The following PPP5C variants were observed in gnomAD, a reference collection of about 807,000 sequenced individuals.
The protein encoded by PPP5C is serine/threonine-protein phosphatase 5.
In PPP5C, 21 loss-of-function variants were observed where a neutral mutation model predicts 66.7. The ratio of observed to expected loss-of-function variants is 0.31; its 90% CI spans 0.22 to 0.45. PPP5C has a LOEUF of 0.45. PPP5C is among the 20% of genes least tolerant of loss of function. PPP5C has a pLI of 1.00. For synonymous variants in PPP5C, 246 were observed against 257.4 expected, an observed-to-expected ratio of 0.96 and a Z score of 0.43; for missense variants, 464 against 675.9, an observed-to-expected ratio of 0.69 and a Z score of 3.48.
Position 46,387,440 on chromosome 19 carries a change from A to G in PPP5C, c.1122A>G (p.Gln374=). 6.2e-7 allele frequency: 1 copy of G among 1,613,632 alleles called. No individual in the cohort carries two copies. The highest frequency in any genetic ancestry group is 8.5e-7 in the Non-Finnish European group (1 of 1,179,626). Residue 374 remains glutamine (Q), a synonymous_variant, in exon 9 of 13, where the codon CAA becomes CAG. Transcript: ENST00000012443. ...TCCGGAAAATTGAGCGGAATCGACA[A>G]CCCCCAGATTCAGGTGAGCAGCGCG... ...DDIRKIERNR[Q]PPDSGPMCDL...
intron 2 of PPP5C, among the ~76,000 whole-genome samples, chr19:46,366,586 C>T (rs539587602): frequency 6.6e-6 from 1 of 152,174 alleles, no homozygotes; most frequent in Non-Finnish European, 1.5e-5. Context: ...ACTTCTGCCT[C>T]AGCCTCCCGA....
Position 46,390,863 on chromosome 19 carries a change from G to C in PPP5C, c.*517G>C. 8.8e-7 allele frequency: 1 copy of C among 1,141,858 alleles called. No homozygotes were observed. The highest frequency in any genetic ancestry group is 1.1e-6 in the Non-Finnish European group (1 of 914,700). 70.7% of individuals were successfully genotyped at this position (1,141,858 alleles called of 1,614,324 possible). On this transcript the variant is annotated 3_prime_UTR_variant, in exon 13 of 13. Transcript: ENST00000012443. ...CATTATCGGAAGTCAGCTTGTCTCT[G>C]GATGGTGGAGCCGAAGGAGCTGCCC...
intron 1 of PPP5C, among the ~76,000 whole-genome samples, chr19:46,349,814 G>A (rs1972150799): frequency 6.6e-6 from 1 of 151,782 alleles, no homozygotes; most frequent in East Asian, 1.9e-4. Context: ...GAGGAAGTGA[G>A]AGTGGCTGCC....
rs769238401 is a variant in PPP5C at position 46,383,913 on chromosome 19, T to C, written c.798+35T>C. ...TCAGCAGAGCCACCCTCTCCCCACC[T>C]CCACCCCCAGCCGCAGCCTCAGGTC... On this transcript the variant is annotated intron_variant, in intron 6 of 12. Transcript: ENST00000012443. The surrounding 1 kb of genome is among the most constrained non-coding windows in gnomAD (Gnocchi z 5.0). 6.7e-7 allele frequency: 1 copy of C among 1,486,888 alleles called. No individual in the cohort carries two copies. Among genetic ancestry groups the C allele is most frequent in the African/African-American group, 1.4e-5 (1 of 71,130 alleles). The allele number at this position is 1,486,888 out of a possible 1,614,324, so 92.1% of individuals were successfully genotyped here.
intron 2 of PPP5C, among the ~76,000 whole-genome samples, chr19:46,373,858 G>A (rs1357084045): frequency 6.6e-6 from 1 of 152,168 alleles, no homozygotes; most frequent in African/African-American, 2.4e-5. Context: ...GGATCAGTGG[G>A]GCTGAGACCT....
At chr19:46,370,090 G>A (rs1252019396) in intron 2 of PPP5C, among the ~76,000 whole-genome samples, 1 of 151,966 alleles carries the variant, frequency 6.6e-6, no homozygotes, top group Non-Finnish European at 1.5e-5. Context: ...CATAAACACT[G>A]TACACTAGAT....
intron 2 of PPP5C, among the ~76,000 whole-genome samples, chr19:46,366,870 G>C (rs1047447468): frequency 7.2e-5 from 11 of 152,216 alleles, no homozygotes; most frequent in African/African-American, 2.7e-4. Context: ...TATGACTGCT[G>C]TCCTATTCCA....
intron 2 of PPP5C, among the ~76,000 whole-genome samples, chr19:46,371,083 C>T (rs1214874358): frequency 1.5e-5 from 2 of 130,312 alleles, no homozygotes; most frequent in African/African-American, 6.0e-5. Flanking sequence ...CTCTGGAGAA[C>T]CCTGACTCTC....
chr19:46,380,243 C>A (rs538075341), intron 4 of PPP5C, among the ~76,000 whole-genome samples: 2 of 152,164 alleles, frequency 1.3e-5, no homozygotes, highest in Admixed American at 6.5e-5. Context: ...TCACTTGAAC[C>A]CAGGAGGTGG....
At position 46,383,116 on chromosome 19, in the gene PPP5C, A is replaced by G. The variant is rs1039618170; in HGVS notation, c.634-295A>G. ...CAGTTCTTTTATAAAATGTTCTACG[A>G]TCTGGATTCATGCATGTATTTCCAC... On this transcript the variant is annotated intron_variant, in intron 4 of 12. Transcript: ENST00000012443. This position sits in a 1 kb window ranked among gnomAD's most constrained non-coding sequence, Gnocchi z 5.0. 1 of 1,300,834 alleles carries G rather than the reference A, an allele frequency of 7.7e-7. No individual in the cohort carries two copies. The highest frequency in any genetic ancestry group is 2.7e-5 in the Admixed American group (1 of 37,430). 80.6% of individuals were successfully genotyped at this position (1,300,834 alleles called of 1,614,324 possible). A position where few individuals can be genotyped will look rare whatever the true frequency, so the allele number is the denominator to read the frequency against.
intron 2 of PPP5C, among the ~76,000 whole-genome samples, chr19:46,372,525 A>G (rs1183200422): frequency 6.6e-6 from 1 of 152,012 alleles, no homozygotes; most frequent in Non-Finnish European, 1.5e-5. Flanking sequence ...CTACCAAATC[A>G]CCTTACTAAA....
Position 46,388,752 on chromosome 19 carries a change from C to G in PPP5C, c.1355+21C>G. On this transcript the variant is annotated intron_variant, in intron 11 of 12. Coordinates refer to ENST00000012443, the MANE Select transcript of PPP5C (RefSeq NM_006247.4). This position sits in a 1 kb window ranked among gnomAD's most constrained non-coding sequence, Gnocchi z 4.9. The stretch of plus-strand genomic sequence containing the variant: ...TACTGGTATGTCTTTGCCTTTCCAG[C>G]CCAGGGCCTCTACCAAGCCACGGGT... 1 of 1,605,186 alleles carries G rather than the reference C, an allele frequency of 6.2e-7. No individual in the cohort carries two copies. The highest frequency in any genetic ancestry group is 8.5e-7 in the Non-Finnish European group (1 of 1,173,988).
intron 4 of PPP5C, among the ~76,000 whole-genome samples, chr19:46,378,287 T>C (rs2147392423): frequency 6.6e-6 from 1 of 152,374 alleles, no homozygotes; most frequent in African/African-American, 2.4e-5. Context: ...ATTGTTTAAC[T>C]CCCAAATATT....
At chr19:46,378,540 A>AG (rs1302183745) in intron 4 of PPP5C, among the ~76,000 whole-genome samples, 7 of 152,190 alleles carry the variant, frequency 4.6e-5, no homozygotes, top group African/African-American at 1.7e-4. Context: ...TCATTTATTG[A>AG]GGGGGCTGTT....
chr19:46,383,549 C>A lies in PPP5C; in HGVS notation c.699+73C>A. On this transcript the variant is annotated intron_variant, in intron 5 of 12. Transcript: ENST00000012443. This position sits in a 1 kb window ranked among gnomAD's most constrained non-coding sequence, Gnocchi z 5.0. The stretch of plus-strand genomic sequence containing the variant: ...CTGGCTGGGGAGGGGCCACAGAGCT[C>A]AGGAACTCACGGATCCACCTCCCTC... 1 of 1,424,042 alleles carries A rather than the reference C, an allele frequency of 7.0e-7. No homozygotes were observed. The highest frequency in any genetic ancestry group is 9.6e-7 in the Non-Finnish European group (1 of 1,043,520). The allele number at this position is 1,424,042 out of a possible 1,614,324, so 88.2% of individuals were successfully genotyped here.
chr19:46,384,697 A>T, intron 6 of PPP5C, 107 bp from the exon 7 acceptor site: 1 of 812,068 alleles, frequency 1.2e-6, no homozygotes, highest in Non-Finnish European at 2.1e-6. Flanking sequence ...AGGAGGCTTG[A>T]GGCCAGGCAG....
In PPP5C at chr19:46,390,602, G is replaced by A. The variant is rs1393665622; in HGVS notation, c.*256G>A. Reference sequence around the variant, plus strand: ...TGGGGGCACAGCCTGGGCATTCTGTGGGGAGGCCGTCCTCGGGGTGGGGTG... The same window carrying A: ...TGGGGGCACAGCCTGGGCATTCTGTAGGGAGGCCGTCCTCGGGGTGGGGTG... On this transcript the variant is annotated 3_prime_UTR_variant, in exon 13 of 13. Coordinates refer to ENST00000012443, the MANE Select transcript of PPP5C (RefSeq NM_006247.4). 6 of 1,372,924 alleles carry A rather than the reference G, an allele frequency of 4.4e-6. No homozygotes were observed. In the Admixed American group the frequency reaches 1.5e-4, roughly 35 times the overall value. The allele number at this position is 1,372,924 out of a possible 1,614,324, so 85.0% of individuals were successfully genotyped here. A position where few individuals can be genotyped will look rare whatever the true frequency, so the allele number is the denominator to read the frequency against.
At chr19:46,366,578 T>A (rs1972495262) in intron 2 of PPP5C, among the ~76,000 whole-genome samples, 1 of 152,128 alleles carries the variant, frequency 6.6e-6, no homozygotes, top group Non-Finnish European at 1.5e-5. Context: ...ACTCCTGGAC[T>A]TCTGCCTCAG....
At chr19:46,347,353 A>G (rs1025071502) in intron 1 of PPP5C, 136 bp downstream of exon 1, 3 of 1,345,504 alleles carry the variant, frequency 2.2e-6, no homozygotes, top group African/African-American at 3.0e-5. Context: ...GGGGAGGCCC[A>G]GGATGGCGCT....
Sources: allele counts gnomAD v4.1 joint callset (sites outside exome capture counted in the v4.1 genomes callset), GRCh38; gene constraint gnomAD v4.1.1; non-coding constraint Gnocchi (gnomAD v3.1); transcripts MANE v1.5; gene names NCBI Gene and HGNC (gene_info 2026-07-23, HGNC 2026-07-21).